Variants in ARPP21 observed in about 807,000 individuals in gnomAD.
The protein encoded by ARPP21 is cAMP regulated phosphoprotein 21, also known as cAMP-regulated phosphoprotein 21.
In ARPP21, 69 loss-of-function variants were observed where a neutral mutation model predicts 113.2. The observed-to-expected ratio is 0.61, with a 90% CI of 0.50 to 0.74. ARPP21 has a LOEUF of 0.74. Among genes scored for constraint, ARPP21 ranks in the 30% least tolerant of loss-of-function variants. ARPP21 has a pLI of 0.00. For synonymous variants in ARPP21, 368 were observed against 375.5 expected (o/e 0.98, Z 0.23); for missense variants, 1,070 against 1,037.4 (o/e 1.03, Z -0.43).
At chr3:35,760,117 G>A (rs1469004020) in intron 19 of ARPP21, among the ~76,000 whole-genome samples, 6 of 152,032 alleles carry the variant, frequency 3.9e-5, no homozygotes, top group Admixed American at 3.3e-4. Flanking sequence ...AAAATGACAT[G>A]CCAGGGTTTA....
intron 19 of ARPP21, among the ~76,000 whole-genome samples, chr3:35,765,304 G>A (rs1002457664): frequency 6.6e-6 from 1 of 152,052 alleles, no homozygotes; most frequent in African/African-American, 2.4e-5. Flanking sequence ...GGTAATTTGT[G>A]TTGAGAGAGT....
At chr3:35,641,060 C>G (rs1323004770) in intron 1 of ARPP21, 1 of 152,126 alleles carries the variant, frequency 6.6e-6, no homozygotes, top group Non-Finnish European at 1.5e-5. Context: ...AGGGTAAGGA[C>G]AGAATCCAAG....
chr3:35,766,365 C>T (rs2095977730), intron 19 of ARPP21, among the ~76,000 whole-genome samples: 1 of 151,976 alleles, frequency 6.6e-6, no homozygotes, highest in African/African-American at 2.4e-5. Flanking sequence ...TTGATGTAAA[C>T]AAGAGAGGCT....
chr3:35,686,064 T>C (rs2080470583), intron 5 of ARPP21, among the ~76,000 whole-genome samples: 1 of 151,712 alleles, frequency 6.6e-6, no homozygotes, highest in African/African-American at 2.4e-5. Flanking sequence ...CCTCTATGAT[T>C]TTAGATTCAT....
At chr3:35,707,214 C>G in intron 10 of ARPP21, 132 bp downstream of exon 10, 1 of 685,776 alleles carries the variant, frequency 1.5e-6, no homozygotes, top group African/African-American at 1.8e-5. Context: ...TGTCCTATCT[C>G]CAACCTCCTT....
At position 35,693,021 on chromosome 3, in the gene ARPP21, T is replaced by C. The variant is rs546099928; in HGVS notation, c.686+2016T>C. Among the ~76,000 whole-genome samples the C allele has an allele frequency of 9.9e-5, 15 of 151,654 alleles. 1 individual carries two copies. Among genetic ancestry groups the C allele is most frequent in the Admixed American group, 4.0e-4 (6 of 15,178 alleles). On this transcript the variant is annotated intron_variant, in intron 9 of 20. Coordinates refer to ENST00000684406, the MANE Select transcript of ARPP21 (RefSeq NM_001385562.1). Reference sequence around the variant, plus strand: ...CTAGTAGGTATCATATTACTAGAATTTTTCACTTCTAGAAGAGTGCCAGCT... The same window carrying C: ...CTAGTAGGTATCATATTACTAGAATCTTTCACTTCTAGAAGAGTGCCAGCT...
chr3:35,703,871 G>C (rs901549844), intron 9 of ARPP21, among the ~76,000 whole-genome samples: 2 of 151,586 alleles, frequency 1.3e-5, no homozygotes, highest in Admixed American at 6.6e-5. Context: ...ATATTGCTAC[G>C]GTGGTAAATT....
intron 9 of ARPP21, among the ~76,000 whole-genome samples, chr3:35,703,235 A>G (rs890566912): frequency 6.6e-6 from 1 of 151,948 alleles, no homozygotes; most frequent in Non-Finnish European, 1.5e-5. Flanking sequence ...GAAAGATTAA[A>G]AATACTAATA....
At chr3:35,707,412 A>T in intron 10 of ARPP21, 1 of 510,194 alleles carries the variant, frequency 2.0e-6, no homozygotes, top group South Asian at 1.5e-5. Flanking sequence ...GCATATCCAG[A>T]TGTCTGTGTA....
chr3:35,707,859 A>T (rs2089763719), intron 10 of ARPP21, among the ~76,000 whole-genome samples: 2 of 152,176 alleles, frequency 1.3e-5, no homozygotes, highest in African/African-American at 4.8e-5. Context: ...GGCAAAAAAA[A>T]AAAATTCCAT....
At chr3:35,671,667 T>A (rs765891406) in intron 1 of ARPP21, among the ~76,000 whole-genome samples, 1 of 152,056 alleles carries the variant, frequency 6.6e-6, no homozygotes, top group Non-Finnish European at 1.5e-5. Context: ...CTGAACTGTG[T>A]GGCACTTCCT....
At chr3:35,759,844 A>C (rs1378794002) in intron 19 of ARPP21, among the ~76,000 whole-genome samples, 5 of 152,078 alleles carry the variant, frequency 3.3e-5, no homozygotes, top group African/African-American at 1.2e-4. Context: ...TTTAAACTGA[A>C]GAATTAAAGA....
Position 35,689,742 on chromosome 3 carries a change from C to A in ARPP21, c.486-339C>A, listed in dbSNP as rs569693784. Among the ~76,000 whole-genome samples the A allele has an allele frequency of 2.0e-5, 3 of 151,638 alleles. No individual in the cohort carries two copies. In the East Asian group the frequency reaches 5.9e-4, roughly 30 times the overall value. On this transcript the variant is annotated intron_variant, in intron 7 of 20. Coordinates refer to ENST00000684406, the MANE Select transcript of ARPP21 (RefSeq NM_001385562.1). ...TCATTTACAGTCAATACTTGGCCTTCGTTTTGTTCCAGTTTCCTATTTATT... is the reference window on the plus strand; with the variant it reads ...TCATTTACAGTCAATACTTGGCCTTAGTTTTGTTCCAGTTTCCTATTTATT...
intron 20 of ARPP21, 74 bp downstream of exon 20, chr3:35,792,604 C>G: frequency 1.4e-6 from 2 of 1,453,772 alleles, no homozygotes; most frequent in African/African-American, 2.8e-5. Flanking sequence ...GGGTCTGTCC[C>G]TGGTTTGGGT....
At chr3:35,733,691 G>A (rs2094153107) in intron 15 of ARPP21, among the ~76,000 whole-genome samples, 1 of 152,130 alleles carries the variant, frequency 6.6e-6, no homozygotes, top group South Asian at 2.1e-4. Flanking sequence ...GGGTCTCTTA[G>A]GAAATTGCTT....
intron 11 of ARPP21, chr3:35,715,190 C>T (rs2092185252): frequency 2.7e-6 from 1 of 373,330 alleles, no homozygotes; most frequent in African/African-American, 2.0e-5. Flanking sequence ...TTCTTCTGAC[C>T]TCCATGCCGA....
At chr3:35,651,319 T>C (rs914352493) in intron 1 of ARPP21, among the ~76,000 whole-genome samples, 1 of 152,110 alleles carries the variant, frequency 6.6e-6, no homozygotes. Flanking sequence ...TCTGAAATAC[T>C]GAGAAAGAAC....
At chr3:35,765,435 T>A (rs1462589604) in intron 19 of ARPP21, among the ~76,000 whole-genome samples, 10 of 152,148 alleles carry the variant, frequency 6.6e-5, no homozygotes, top group Non-Finnish European at 1.3e-4. Context: ...TGTAGTTAAC[T>A]GGATCCCCTC....
chr3:35,695,701 G>A (rs564431136), intron 9 of ARPP21, among the ~76,000 whole-genome samples: 2 of 151,618 alleles, frequency 1.3e-5, no homozygotes, highest in Middle Eastern at 6.8e-3. Flanking sequence ...TTAAACAAAT[G>A]TAGTAAGGAG....
Sources: gnomAD v4.1 joint callset for allele counts (sites outside exome capture counted in the v4.1 genomes callset) on GRCh38, gnomAD v4.1.1 for gene constraint, MANE v1.5 for transcripts, NCBI Gene and HGNC (gene_info 2026-07-23, HGNC 2026-07-21) for gene names.